Variants in FBXO15 observed in about 807,000 individuals in gnomAD.
FBXO15 encodes F-box only protein 15.
A neutral mutation model predicts 49.5 loss-of-function variants in FBXO15; 30 were observed. The ratio of observed to expected loss-of-function variants is 0.61; its 90% CI spans 0.45 to 0.82. The LOEUF (loss-of-function observed/expected upper bound fraction) is 0.82, where lower values mean the gene tolerates loss of function less well. Among genes scored for constraint, FBXO15 ranks in the 40% least tolerant of loss-of-function variants. The pLI is 0.00. For missense variants in FBXO15, 591 were observed against 631.5 expected, an observed-to-expected ratio of 0.94 and a Z score of 0.69; for synonymous variants, 250 against 232.7, an observed-to-expected ratio of 1.07 and a Z score of -0.68.
Position 74,130,446 on chromosome 18 carries a change from C to A in FBXO15, c.545G>T (p.Gly182Val). Reference sequence around the variant, plus strand: ...GGCCTCTTTGGTCTTAACTGGAAGGCCTGTGTAAGGGTTGACAGGTTTGAG... The same window carrying A: ...GGCCTCTTTGGTCTTAACTGGAAGGACTGTGTAAGGGTTGACAGGTTTGAG... ...DILKPVNPYT[G>V]LPVKTKEALR... The change falls in exon 4 of 10, where the codon GGC becomes GTC. Residue 182 changes from glycine (G) to valine (V), a missense_variant. Coordinates refer to ENST00000419743, the MANE Select transcript of FBXO15 (RefSeq NM_001142958.2). The A allele has an allele frequency of 6.2e-7, 1 of 1,614,166 alleles. No individual in the cohort carries two copies. The highest frequency in any genetic ancestry group is 8.5e-7 in the Non-Finnish European group (1 of 1,180,016).
chr18:74,125,340 A>G (rs8094598), intron 6 of FBXO15, among the ~76,000 whole-genome samples: 14,517 of 152,250 alleles, frequency 0.095, 1,335 homozygotes, highest in African/African-American at 0.24. Flanking sequence ...GGCTAAGGAA[A>G]AGGGATGAGG....
At chr18:74,080,533 C>T (rs1912446721) in intron 9 of FBXO15, among the ~76,000 whole-genome samples, 1 of 152,206 alleles carries the variant, frequency 6.6e-6, no homozygotes, top group Non-Finnish European at 1.5e-5. Flanking sequence ...CACCTGTGCA[C>T]CTCAGTCACA....
chr18:74,096,659 C>T (rs1239622125), intron 8 of FBXO15, among the ~76,000 whole-genome samples: 1 of 145,348 alleles, frequency 6.9e-6, no homozygotes, highest in South Asian at 2.2e-4. Flanking sequence ...AAAAAAAAAA[C>T]ACAAAAAACA....
chr18:74,115,575 G>A (rs960261919), intron 8 of FBXO15, among the ~76,000 whole-genome samples: 2 of 152,092 alleles, frequency 1.3e-5, no homozygotes, highest in Non-Finnish European at 2.9e-5. Context: ...AAACAAACAC[G>A]AATCCTTTGA....
chr18:74,123,806 T>G (rs986946868), intron 7 of FBXO15, among the ~76,000 whole-genome samples: 2 of 152,136 alleles, frequency 1.3e-5, no homozygotes, highest in African/African-American at 4.8e-5. Context: ...TAAAAGCCAC[T>G]CTGCCCTCCG....
At chr18:74,143,433 G>T (rs140979022) in intron 1 of FBXO15, among the ~76,000 whole-genome samples, 1 of 152,116 alleles carries the variant, frequency 6.6e-6, no homozygotes, top group Non-Finnish European at 1.5e-5. Context: ...TTTACTGCCC[G>T]TAAGACAAGA....
At chr18:74,106,805 G>T (rs1913788541) in intron 8 of FBXO15, among the ~76,000 whole-genome samples, 2 of 152,072 alleles carry the variant, frequency 1.3e-5, no homozygotes, top group Admixed American at 6.5e-5. Context: ...TAATGGTCAT[G>T]ATAACAGTGC....
At chr18:74,107,428 T>C (rs944876345) in intron 8 of FBXO15, among the ~76,000 whole-genome samples, 73 of 152,260 alleles carry the variant, frequency 4.8e-4, no homozygotes, top group African/African-American at 1.7e-3. Context: ...TTTAAAAACG[T>C]TGGAAGTCAC....
intron 2 of FBXO15, among the ~76,000 whole-genome samples, chr18:74,139,612 C>T (rs565861199): frequency 1.2e-4 from 19 of 152,314 alleles, no homozygotes; most frequent in African/African-American, 3.9e-4. Flanking sequence ...ATGCAGACTA[C>T]GTGGGCCTAG....
intron 8 of FBXO15, among the ~76,000 whole-genome samples, chr18:74,114,497 T>C (rs1218608698): frequency 1.3e-5 from 2 of 148,500 alleles, no homozygotes; most frequent in African/African-American, 4.8e-5. Context: ...CAATGTCATC[T>C]ATTTACATTT....
chr18:74,124,436 A>C, intron 7 of FBXO15, 53 bp downstream of exon 7: 2 of 1,431,364 alleles, frequency 1.4e-6, no homozygotes, highest in Non-Finnish European at 2.0e-6. Flanking sequence ...TCAACTTCTA[A>C]TACTTTATAT....
chr18:74,081,771 C>A (rs1272861807), intron 9 of FBXO15, among the ~76,000 whole-genome samples, 156 bp downstream of exon 9: 2 of 152,142 alleles, frequency 1.3e-5, no homozygotes, highest in Non-Finnish European at 2.9e-5. Context: ...CAATGGCTAA[C>A]AGAATGTGCA....
At chr18:74,145,285 T>G (rs982725216) in intron 1 of FBXO15, among the ~76,000 whole-genome samples, 10 of 152,242 alleles carry the variant, frequency 6.6e-5, no homozygotes, top group African/African-American at 2.4e-4. Context: ...GAAGGCTATT[T>G]TATTACAAAC....
rs1183047708 is a variant in FBXO15, at chr18:74,073,736, A to G, written c.1264-6T>C. 13 of 1,604,060 alleles carry G rather than the reference A, an allele frequency of 8.1e-6. No individual in the cohort carries two copies. Among genetic ancestry groups the G allele is most frequent in the Non-Finnish European group, 1.1e-5 (13 of 1,174,670 alleles). ...ACGTCCATCATGGAACAACTCTGCAAAATAAACACAGATTGACAAGGATAA... is the reference window on the plus strand; with the variant it reads ...ACGTCCATCATGGAACAACTCTGCAGAATAAACACAGATTGACAAGGATAA... On this transcript the variant is annotated splice_region_variant and splice_polypyrimidine_tract_variant and intron_variant, in intron 9 of 9. Transcript: ENST00000419743.
intron 8 of FBXO15, among the ~76,000 whole-genome samples, chr18:74,118,854 G>C (rs987194686): frequency 6.6e-6 from 1 of 152,184 alleles, no homozygotes; most frequent in Admixed American, 6.5e-5. Context: ...TCTGCCAGAC[G>C]TTGAATTTGT....
At chr18:74,092,103 CTG>C (rs1245103042) in intron 8 of FBXO15, among the ~76,000 whole-genome samples, 2 of 151,682 alleles carry the variant, frequency 1.3e-5, no homozygotes, top group African/African-American at 4.9e-5. Flanking sequence ...TTTTGTCTGA[CTG>C]AGTTCTTTTG....
At chr18:74,105,413 A>T (rs544999709) in intron 8 of FBXO15, among the ~76,000 whole-genome samples, 1 of 152,262 alleles carries the variant, frequency 6.6e-6, no homozygotes, top group South Asian at 2.1e-4. Flanking sequence ...ATGTACATCT[A>T]TTAGGCATCA....
chr18:74,131,229 T>G (rs1399859887), intron 3 of FBXO15, among the ~76,000 whole-genome samples: 1 of 152,230 alleles, frequency 6.6e-6, no homozygotes, highest in South Asian at 2.1e-4. Flanking sequence ...ACACTTACTA[T>G]GTGTCAAGCA....
intron 8 of FBXO15, among the ~76,000 whole-genome samples, chr18:74,083,551 C>T (rs1019845843): frequency 6.6e-6 from 1 of 152,240 alleles, no homozygotes; most frequent in Admixed American, 6.5e-5. Flanking sequence ...TTCCACACAG[C>T]TTGTCCCCAG....
Sources: allele counts gnomAD v4.1 joint callset (sites outside exome capture counted in the v4.1 genomes callset), GRCh38; gene constraint gnomAD v4.1.1; transcripts MANE v1.5; gene names NCBI Gene and HGNC (gene_info 2026-07-23, HGNC 2026-07-21).